Variants in R3HDM1 observed in about 807,000 individuals in gnomAD.
The protein encoded by R3HDM1 is R3H domain-containing protein 1.
A neutral mutation model predicts 141.1 loss-of-function variants in R3HDM1; 46 were observed. The ratio of observed to expected loss-of-function variants is 0.33; its 90% CI spans 0.26 to 0.42. The LOEUF is 0.42. Among genes scored for constraint, R3HDM1 ranks in the 10% least tolerant of loss-of-function variants. The pLI, the probability that R3HDM1 is intolerant of heterozygous loss-of-function variation, is 1.00. For synonymous variants in R3HDM1, 435 were observed against 472.9 expected (o/e 0.92, Z 1.04); for missense variants, 1,184 against 1,368.3 (o/e 0.87, Z 2.12).
chr2:135,637,317 G>A (rs2063356505), intron 11 of R3HDM1, among the ~76,000 whole-genome samples: 1 of 152,058 alleles, frequency 6.6e-6, no homozygotes, highest in African/African-American at 2.4e-5. Flanking sequence ...TATGTACAGA[G>A]GCCCAGAGGT....
intron 16 of R3HDM1, among the ~76,000 whole-genome samples, chr2:135,646,909 A>G (rs1398060925): frequency 6.6e-6 from 1 of 151,854 alleles, no homozygotes. Context: ...AAGTATGATG[A>G]TAAACTTGAA....
At chr2:135,670,155 A>AAAG (rs2068121260) in intron 19 of R3HDM1, 11 of 321,676 alleles carry the variant, frequency 3.4e-5, no homozygotes, top group African/African-American at 1.2e-4. Context: ...AAAAAAAAAA[A>AAAG]AAACCAACAA....
chr2:135,598,693 G>A (rs2059388604), intron 1 of R3HDM1, among the ~76,000 whole-genome samples: 1 of 152,136 alleles, frequency 6.6e-6, no homozygotes, highest in Non-Finnish European at 1.5e-5. Context: ...TCTTAGAACT[G>A]TTGTGTGAGT....
At chr2:135,544,416 A>C (rs1002551019) in intron 1 of R3HDM1, among the ~76,000 whole-genome samples, 20 of 152,324 alleles carry the variant, frequency 1.3e-4, no homozygotes, top group African/African-American at 4.8e-4. Flanking sequence ...TCAACATGAA[A>C]ACTTTAGTTT....
At chr2:135,706,362 G>GTTTTTT (rs1553634225) in intron 21 of R3HDM1, among the ~76,000 whole-genome samples, 5 of 134,996 alleles carry the variant, frequency 3.7e-5, no homozygotes, top group South Asian at 2.2e-4. Flanking sequence ...CATATCCATA[G>GTTTTTT]TTTTGTTTTT....
At chr2:135,690,834 G>C (rs898919092) in intron 21 of R3HDM1, among the ~76,000 whole-genome samples, 3 of 151,900 alleles carry the variant, frequency 2.0e-5, no homozygotes, top group South Asian at 2.1e-4. Flanking sequence ...AAGGGAAGAG[G>C]GTGCTTTAGC....
At chr2:135,603,960 A>C (rs956270359) in intron 2 of R3HDM1, among the ~76,000 whole-genome samples, 4 of 152,160 alleles carry the variant, frequency 2.6e-5, no homozygotes, top group African/African-American at 9.7e-5. Context: ...TGCTATCTTT[A>C]GCTTAATCTC....
chr2:135,614,454 T>C (rs1397474356), intron 3 of R3HDM1, among the ~76,000 whole-genome samples: 1 of 152,212 alleles, frequency 6.6e-6, no homozygotes, highest in Non-Finnish European at 1.5e-5. Context: ...CAAAGCCCCT[T>C]TGTTAGCTAC....
intron 1 of R3HDM1, among the ~76,000 whole-genome samples, chr2:135,534,830 T>C (rs909961532): frequency 6.6e-6 from 1 of 152,230 alleles, no homozygotes; most frequent in Non-Finnish European, 1.5e-5. Flanking sequence ...GGGTTTTTTT[T>C]CTTCTTTTTT....
chr2:135,535,135 A>G (rs1695759082), intron 1 of R3HDM1, among the ~76,000 whole-genome samples: 1 of 152,216 alleles, frequency 6.6e-6, no homozygotes, highest in Admixed American at 6.5e-5. Context: ...ACCAAACCAC[A>G]GAATCAATAC....
At chr2:135,616,273 A>G (rs2061008610) in intron 4 of R3HDM1, 80 bp downstream of exon 4, 4 of 1,377,006 alleles carry the variant, frequency 2.9e-6, no homozygotes, top group Non-Finnish European at 4.1e-6. Flanking sequence ...ATATAGCACT[A>G]CATTCAGTTT....
At chr2:135,686,121 T>C (rs186887672) in intron 21 of R3HDM1, among the ~76,000 whole-genome samples, 5 of 152,222 alleles carry the variant, frequency 3.3e-5, no homozygotes, top group Non-Finnish European at 5.9e-5. Context: ...TAATGAGATA[T>C]CACCTCACAC....
chr2:135,715,602 C>A lies in R3HDM1; in HGVS notation c.2789C>A (p.Pro930Gln). Residue 930 changes from proline (P) to glutamine (Q), a missense_variant, in exon 24 of 27, where the codon CCA becomes CAA. This residue lies in a region of R3HDM1 where 563 missense variants were observed against 562.0 expected (regional missense o/e 1.00). Transcript: ENST00000683871. ...ATTTCACCAGCTCAGTCGCCAGCAC[C>A]AGCTCAGCTGTCCACCCTGAAAACT... Reference protein sequence around the residue: ...PIISPAQSPAPAQLSTLKTVR... With the variant: ...PIISPAQSPAQAQLSTLKTVR... The A allele has an allele frequency of 1.2e-6, 2 of 1,614,084 alleles. No homozygotes were observed. The highest frequency in any genetic ancestry group is 3.3e-5 in the Admixed American group (2 of 60,018).
chr2:135,608,270 C>G (rs1574306534), intron 3 of R3HDM1, among the ~76,000 whole-genome samples: 1 of 151,960 alleles, frequency 6.6e-6, no homozygotes, highest in Non-Finnish European at 1.5e-5. Flanking sequence ...GAACCGAGAT[C>G]ACGCCACTGC....
intron 3 of R3HDM1, among the ~76,000 whole-genome samples, chr2:135,611,072 C>A (rs549504161): frequency 7.4e-5 from 11 of 149,312 alleles, no homozygotes; most frequent in Non-Finnish European, 1.5e-4. Context: ...CCAGTGCACT[C>A]CAGCCTGGGC....
chr2:135,618,163 GA>G (rs1448566041), intron 5 of R3HDM1, among the ~76,000 whole-genome samples: 3 of 143,588 alleles, frequency 2.1e-5, no homozygotes, highest in African/African-American at 8.4e-5. Context: ...ATTAATTTAT[GA>G]TTTTTTTTTT....
At chr2:135,575,429 G>A (rs1271475179) in intron 1 of R3HDM1, among the ~76,000 whole-genome samples, 1 of 152,100 alleles carries the variant, frequency 6.6e-6, no homozygotes, top group African/African-American at 2.4e-5. Flanking sequence ...TGATCCACCC[G>A]CCTGGCCTCC....
At chr2:135,651,684 C>A in intron 17 of R3HDM1, 46 bp from the exon 18 acceptor site, 1 of 1,532,302 alleles carries the variant, frequency 6.5e-7, no homozygotes, top group Non-Finnish European at 8.8e-7. Flanking sequence ...ATAAGTTTGG[C>A]CTATGTGTAG....
At chr2:135,704,245 G>T (rs998688761) in intron 21 of R3HDM1, among the ~76,000 whole-genome samples, 2 of 152,118 alleles carry the variant, frequency 1.3e-5, no homozygotes, top group African/African-American at 4.8e-5. Context: ...CTCCCAGAGT[G>T]CTGGGATTAC....
Sources: gnomAD v4.1 joint callset for allele counts (sites outside exome capture counted in the v4.1 genomes callset) on GRCh38, gnomAD v4.1.1 for gene constraint, gnomAD v4.1.1 regional missense constraint, MANE v1.5 for transcripts, NCBI Gene and HGNC (gene_info 2026-07-23, HGNC 2026-07-21) for gene names.